ABLIM3: variants seen among roughly 807,000 people sequenced by gnomAD.
The protein encoded by ABLIM3 is actin binding LIM protein family member 3.
In ABLIM3, 61 loss-of-function variants were observed where a neutral mutation model predicts 109.5. That is an observed-to-expected ratio of 0.56 (90% CI 0.45 to 0.69). The LOEUF (loss-of-function observed/expected upper bound fraction) is 0.69, where lower values mean the gene tolerates loss of function less well. ABLIM3 is among the 30% of genes least tolerant of loss of function. ABLIM3 has a pLI of 0.00. For missense variants in ABLIM3, 796 were observed against 889.5 expected, an observed-to-expected ratio of 0.89 and a Z score of 1.34; for synonymous variants, 300 against 324.8, an observed-to-expected ratio of 0.92 and a Z score of 0.82.
Position 149,251,378 on chromosome 5 carries a change from T to C in ABLIM3, c.1808T>C (p.Phe603Ser). Residue 603 changes from phenylalanine to serine, a missense_variant, in exon 21 of 24, where the codon TTC becomes TCC. Phe to Ser is a radical substitution (Grantham distance 155). Coordinates refer to ENST00000309868, the MANE Select transcript of ABLIM3 (RefSeq NM_014945.5). ...CTGCAGACACCCAGCGCAGACCTCT[T>C]CCACTACGACAGCATGAACGCAGTC... Reference protein sequence around the residue: ...GLHRTPSADLFHYDSMNAVNW... With the variant: ...GLHRTPSADLSHYDSMNAVNW... The C allele has an allele frequency of 6.2e-7, 1 of 1,614,106 alleles. No homozygotes were observed. The highest frequency in any genetic ancestry group is 1.1e-5 in the South Asian group (1 of 91,060).
rs563859862 is a variant in ABLIM3 at position 149,190,592 on chromosome 5, A to T, written c.151+7003A>T. Among the ~76,000 whole-genome samples, 8 of 152,278 alleles carry T rather than the reference A, an allele frequency of 5.3e-5. No homozygotes were observed. The East Asian group carries it at 1.4e-3, about 26-fold the overall frequency. On this transcript the variant is annotated intron_variant, in intron 3 of 23. Coordinates refer to ENST00000309868, the MANE Select transcript of ABLIM3 (RefSeq NM_014945.5). ...CTACTTGGGAGGCTGAGGTGAGAGG[A>T]TCATTTGAGCCCAGGAGGCGGAGGT... is the stretch of plus-strand genomic sequence containing the variant.
intron 23 of ABLIM3, among the ~76,000 whole-genome samples, chr5:149,258,041 A>C (rs945473639): frequency 2.0e-5 from 3 of 152,194 alleles, no homozygotes; most frequent in African/African-American, 7.2e-5. Context: ...GTCCCACTTG[A>C]GTCATAGGCA....
intron 7 of ABLIM3, among the ~76,000 whole-genome samples, chr5:149,211,108 T>C (rs900857169): frequency 1.3e-5 from 2 of 152,186 alleles, no homozygotes; most frequent in African/African-American, 4.8e-5. Context: ...ACATTAGGAT[T>C]TTCCTCCCAG....
At chr5:149,228,736 A>AT (rs958769451) in intron 8 of ABLIM3, among the ~76,000 whole-genome samples, 15 of 151,812 alleles carry the variant, frequency 9.9e-5, no homozygotes, top group African/African-American at 3.4e-4. Flanking sequence ...CTAAATTCTG[A>AT]TTTTTTTCAT....
At chr5:149,254,896 A>C (rs756923103) in intron 23 of ABLIM3, among the ~76,000 whole-genome samples, 2 of 152,180 alleles carry the variant, frequency 1.3e-5, no homozygotes, top group Non-Finnish European at 2.9e-5. Context: ...TCAGGTCTAG[A>C]ACTTTTTAAA....
At position 149,252,222 on chromosome 5, in the gene ABLIM3, A is replaced by G. The variant is rs746590882; in HGVS notation, c.1857+14A>G. 1 of 1,613,322 alleles carries G rather than the reference A, an allele frequency of 6.2e-7. No individual in the cohort carries two copies. The highest frequency in any genetic ancestry group is 8.5e-7 in the Non-Finnish European group (1 of 1,179,664). ...GCAGAGTACAAGGTAAAGGATGTGC[A>G]TAGACCCTGGGGGTCTCCAGGATTC... On this transcript the variant is annotated intron_variant, in intron 22 of 23. Transcript: ENST00000309868.
At chr5:149,159,940 G>A (rs956825091) in intron 2 of ABLIM3, among the ~76,000 whole-genome samples, 6 of 152,078 alleles carry the variant, frequency 3.9e-5, no homozygotes, top group African/African-American at 1.4e-4. Flanking sequence ...TCCACAAACA[G>A]CCCTCTCCCA....
chr5:149,228,605 C>T (rs1035835006), intron 8 of ABLIM3, among the ~76,000 whole-genome samples: 32 of 152,248 alleles, frequency 2.1e-4, no homozygotes, highest in Non-Finnish European at 4.6e-4. Flanking sequence ...CTCAGAAGAC[C>T]GTTATTTCAC....
chr5:149,200,360 A>G lies in ABLIM3; in HGVS notation c.380A>G (p.Glu127Gly). 6.2e-7 allele frequency: 1 copy of G among 1,614,198 alleles called. No homozygotes were observed. Among genetic ancestry groups the G allele is most frequent in the Non-Finnish European group, 8.5e-7 (1 of 1,180,046 alleles). ...IGDKVTFSGK[E>G]CVCQTCSQSM... ...GACAAGGTGACCTTCAGCGGTAAAG[A>G]ATGTGTGTGCCAAACGTGCTCCCAG... The change falls in exon 5 of 24, where the codon GAA becomes GGA. Residue 127 changes from glutamate to glycine, a missense_variant. Physicochemically the swap from Glu to Gly is moderately conservative, Grantham distance 98 (BLOSUM62 -2). Coordinates refer to ENST00000309868, the MANE Select transcript of ABLIM3 (RefSeq NM_014945.5).
chr5:149,141,865 T>C (rs917184253), intron 1 of ABLIM3, 144 bp from the exon 2 acceptor site: 1 of 603,292 alleles, frequency 1.7e-6, no homozygotes. Flanking sequence ...TCCTGCCGCC[T>C]CCTTCTCCTT....
chr5:149,198,416 C>A lies in ABLIM3; in HGVS notation c.335+14C>A. ...CAGCTTGTGCAGGTGAGTGGGCGAC[C>A]AGCAGGGCCTGGGACCCTCTGCATA... is the stretch of plus-strand genomic sequence containing the variant. On this transcript the variant is annotated intron_variant, in intron 4 of 23. Transcript: ENST00000309868. The surrounding 1 kb of genome is among the most constrained non-coding windows in gnomAD (Gnocchi z 4.2). 1 of 1,598,530 alleles carries A rather than the reference C, an allele frequency of 6.3e-7. No homozygotes were observed. Among genetic ancestry groups the A allele is most frequent in the Non-Finnish European group, 8.5e-7 (1 of 1,172,198 alleles).
intron 10 of ABLIM3, among the ~76,000 whole-genome samples, chr5:149,236,794 A>T (rs1752243508): frequency 6.6e-6 from 1 of 152,176 alleles, no homozygotes; most frequent in Non-Finnish European, 1.5e-5. Context: ...GGACAAGTTA[A>T]TTGATTTTTC....
In ABLIM3 at chr5:149,198,309, G is replaced by T; in HGVS notation, c.242G>T (p.Arg81Leu). Reference protein sequence around the residue: ...TQDYQQLYGTRCDSCRDFITG... With the variant: ...TQDYQQLYGTLCDSCRDFITG... ...GACTACCAGCAACTCTATGGCACCCGCTGTGACAGCTGCCGGGACTTCATC... is the reference window on the plus strand; with the variant it reads ...GACTACCAGCAACTCTATGGCACCCTCTGTGACAGCTGCCGGGACTTCATC... The change falls in exon 4 of 24, where the codon CGC (arginine) becomes CTC (leucine). Residue 81 changes from arginine to leucine, a missense_variant. Physicochemically the swap from Arg to Leu is moderately radical, Grantham distance 102. Coordinates refer to ENST00000309868, the MANE Select transcript of ABLIM3 (RefSeq NM_014945.5). This position sits in a 1 kb window ranked among gnomAD's most constrained non-coding sequence, Gnocchi z 4.2. 1.2e-6 allele frequency: 2 copies of T among 1,614,176 alleles called. No homozygotes were observed. The highest frequency in any genetic ancestry group is 1.7e-6 in the Non-Finnish European group (2 of 1,180,012).
Position 149,183,973 on chromosome 5 carries a change from T to G in ABLIM3, c.151+384T>G, listed in dbSNP as rs1320036168. The stretch of plus-strand genomic sequence containing the variant: ...TTTTGTTTGTTTTTTGTTTTTTGGT[T>G]TTTTTTTTTTTGAGATGAGTAGCTA... On this transcript the variant is annotated intron_variant, in intron 3 of 23. Coordinates refer to ENST00000309868, the MANE Select transcript of ABLIM3 (RefSeq NM_014945.5). 5.3e-5 allele frequency among the ~76,000 whole-genome samples: 7 copies of G among 132,546 alleles called. No homozygotes were observed. In the South Asian group the frequency reaches 9.7e-4, roughly 18 times the overall value. The allele number at this position is 132,546 out of a possible 152,430, so 87.0% of individuals were successfully genotyped here.
At chr5:149,172,086 C>T (rs1355282259) in intron 2 of ABLIM3, among the ~76,000 whole-genome samples, 3 of 152,122 alleles carry the variant, frequency 2.0e-5, no homozygotes, top group African/African-American at 4.8e-5. Flanking sequence ...TTGGACAGCA[C>T]AAAGTTAGAA....
chr5:149,155,391 C>T (rs146841634), intron 2 of ABLIM3, among the ~76,000 whole-genome samples: 2 of 152,172 alleles, frequency 1.3e-5, no homozygotes, highest in Admixed American at 1.3e-4. Context: ...GAGAACTGGA[C>T]CTCAGACTGC....
At chr5:149,150,207 A>G (rs1753303264) in intron 2 of ABLIM3, among the ~76,000 whole-genome samples, 1 of 152,154 alleles carries the variant, frequency 6.6e-6, no homozygotes, top group Non-Finnish European at 1.5e-5. Context: ...AGAATAGAAG[A>G]CACCCAGCAC....
rs1754629932 is a variant in ABLIM3 at position 149,258,306 on chromosome 5, G to A, written c.1954G>A (p.Glu652Lys). The change falls in exon 24 of 24, where the codon GAA (glutamate) becomes AAA (lysine). Residue 652 changes from glutamate (E) to lysine (K), a missense_variant. Physicochemically the swap from Glu to Lys is moderately conservative, Grantham distance 56. Coordinates refer to ENST00000309868, the MANE Select transcript of ABLIM3 (RefSeq NM_014945.5). ...CCTCCTTCAGCGCCACCTGTCCCAG[G>A]AAGAGTTCTACCAAGTCTTTGGCAT... ...RTRLERHLSQ[E>K]EFYQVFGMTI... 6.2e-7 allele frequency: 1 copy of A among 1,613,838 alleles called. No homozygotes were observed. Among genetic ancestry groups the A allele is most frequent in the African/African-American group, 1.3e-5 (1 of 74,972 alleles).
intron 2 of ABLIM3, among the ~76,000 whole-genome samples, chr5:149,145,917 C>G (rs1303734737): frequency 6.6e-6 from 1 of 152,124 alleles, no homozygotes; most frequent in East Asian, 1.9e-4. Flanking sequence ...TCCTGAGTAG[C>G]TAGGACCGCA....
Sources: allele counts gnomAD v4.1 joint callset (sites outside exome capture counted in the v4.1 genomes callset), GRCh38; gene constraint gnomAD v4.1.1; non-coding constraint Gnocchi (gnomAD v3.1); transcripts MANE v1.5; gene names NCBI Gene and HGNC (gene_info 2026-07-23, HGNC 2026-07-21).